Variants in MEGF9 observed in about 807,000 individuals in gnomAD.
The protein encoded by MEGF9 is multiple EGF like domains 9, also known as multiple epidermal growth factor-like domains protein 9.
MEGF9 carries 6 observed loss-of-function variants against 46.8 expected under a neutral mutation model. The observed-to-expected ratio is 0.13, with a 90% CI of 0.07 to 0.25. The LOEUF (loss-of-function observed/expected upper bound fraction) is 0.25. MEGF9 is among the 10% of genes least tolerant of loss of function. MEGF9 has a pLI of 1.00. For missense variants in MEGF9, 683 were observed against 792.4 expected, an observed-to-expected ratio of 0.86 and a Z score of 1.66; for synonymous variants, 302 against 330.7, an observed-to-expected ratio of 0.91 and a Z score of 0.94.
chr9:120,612,908 C>T (rs1358332329), intron 3 of MEGF9, among the ~76,000 whole-genome samples: 1 of 147,078 alleles, frequency 6.8e-6, no homozygotes, highest in Non-Finnish European at 1.5e-5. Flanking sequence ...ATCATACATG[C>T]ATGAACATGC....
intron 2 of MEGF9, among the ~76,000 whole-genome samples, chr9:120,646,489 C>A (rs1422550294): frequency 2.0e-5 from 3 of 152,170 alleles, no homozygotes; most frequent in Non-Finnish European, 4.4e-5. Flanking sequence ...TCTGTAAAGT[C>A]CTTTCTCATC....
At chr9:120,698,985 C>T (rs1168230057) in intron 1 of MEGF9, among the ~76,000 whole-genome samples, 1 of 152,138 alleles carries the variant, frequency 6.6e-6, no homozygotes, top group Non-Finnish European at 1.5e-5. Context: ...TTGTTCCAGG[C>T]TGCTTTGGGC....
Position 120,714,373 on chromosome 9 carries a change from G to T in MEGF9, c.-15C>A. 1 of 1,308,136 alleles carries T rather than the reference G, an allele frequency of 7.6e-7. No individual in the cohort carries two copies. The highest frequency in any genetic ancestry group is 9.7e-7 in the Non-Finnish European group (1 of 1,030,400). The allele number at this position is 1,308,136 out of a possible 1,614,324, so 81.0% of individuals were successfully genotyped here. On this transcript the variant is annotated 5_prime_UTR_variant, in exon 1 of 6. Transcript: ENST00000373930. Reference sequence around the variant, plus strand: ...CCGCCATTCATTCATTCAGCCAGTCGGTTGGTCAGTCATCTTCTCCTCGTT... The same window carrying T: ...CCGCCATTCATTCATTCAGCCAGTCTGTTGGTCAGTCATCTTCTCCTCGTT...
rs2043963387 is a variant in MEGF9 at position 120,713,688 on chromosome 9, A to G, written c.601+70T>C. On this transcript the variant is annotated intron_variant, in intron 1 of 5. Transcript: ENST00000373930. ...GGTAACAAACGATAAATTATAGGCA[A>G]GAGCCCAACCCTAGATTGCCGGGGC... is the stretch of plus-strand genomic sequence containing the variant. The G allele has an allele frequency of 3.2e-6, 4 of 1,248,546 alleles. No homozygotes were observed. In the African/African-American group the frequency reaches 6.1e-5, roughly 19 times the overall value. 77.3% of individuals were successfully genotyped at this position (1,248,546 alleles called of 1,614,324 possible).
intron 2 of MEGF9, among the ~76,000 whole-genome samples, chr9:120,628,567 G>A (rs2043537235): frequency 7.8e-6 from 1 of 127,520 alleles, no homozygotes. Context: ...TTTACACCAT[G>A]TCCCCAAACC....
At chr9:120,610,007 TAAAG>T (rs57603837) in intron 4 of MEGF9, among the ~76,000 whole-genome samples, 14,664 of 152,152 alleles carry the variant, frequency 0.096, 830 homozygotes, top group African/African-American at 0.15. Flanking sequence ...GTGCAACTGA[TAAAG>T]AATTCTAACT....
rs1158273579 is a variant in MEGF9 at position 120,634,446 on chromosome 9, C to CTTTTTT, written c.804-11697_804-11692dup. ...TTTGGTTTCCATATGTGTGGAATAT[C>CTTTTTT]TTTTTTTTTTTTTTTTTTTTTTTTT... On this transcript the variant is annotated intron_variant, in intron 2 of 5. Transcript: ENST00000373930. Among the ~76,000 whole-genome samples, 140 of 46,900 alleles carry CTTTTTT rather than the reference C, an allele frequency of 3.0e-3. 25 individuals are homozygous for CTTTTTT. The highest frequency in any genetic ancestry group is 0.01 in the African/African-American group (124 of 12,140). The allele number at this position is 46,900 out of a possible 152,430, so 30.8% of individuals were successfully genotyped here.
At chr9:120,678,366 A>C (rs2132331563) in intron 1 of MEGF9, among the ~76,000 whole-genome samples, 1 of 152,344 alleles carries the variant, frequency 6.6e-6, no homozygotes, top group African/African-American at 2.4e-5. Context: ...ACCTCTAAAC[A>C]GTTCTCCATA....
chr9:120,704,306 C>T (rs2043918719), intron 1 of MEGF9, among the ~76,000 whole-genome samples: 1 of 151,966 alleles, frequency 6.6e-6, no homozygotes, highest in Non-Finnish European at 1.5e-5. Flanking sequence ...TGCATCCCAG[C>T]CTGGGCGACA....
intron 1 of MEGF9, among the ~76,000 whole-genome samples, chr9:120,667,476 T>C (rs908659960): frequency 1.3e-5 from 2 of 152,216 alleles, no homozygotes; most frequent in Non-Finnish European, 2.9e-5. Flanking sequence ...ATGCAATTGT[T>C]TGTTTCTTTT....
chr9:120,603,572 A>C lies in MEGF9; in HGVS notation c.*1618T>G, dbSNP rs1482188486. The C allele has an allele frequency of 6.6e-6, 1 of 152,170 alleles. No homozygotes were observed. Among genetic ancestry groups the C allele is most frequent in the Non-Finnish European group, 1.5e-5 (1 of 68,036 alleles). 9.4% of individuals were successfully genotyped at this position (152,170 alleles called of 1,614,324 possible). ...TGAATTTCCTAGGTCTAATCTAATA[A>C]GAAGTTTTTATTTTTTTTCTAACCA... is the stretch of plus-strand genomic sequence containing the variant. On this transcript the variant is annotated 3_prime_UTR_variant, in exon 6 of 6. Transcript: ENST00000373930.
At position 120,607,794 on chromosome 9, in the gene MEGF9, T is replaced by C. The variant is rs1450512341; in HGVS notation, c.1304A>G (p.Glu435Gly). The C allele has an allele frequency of 3.1e-6, 5 of 1,614,034 alleles. No individual in the cohort carries two copies. The highest frequency in any genetic ancestry group is 4.2e-6 in the Non-Finnish European group (5 of 1,179,888). Residue 435 changes from glutamate (E) to glycine (G), a missense_variant, in exon 5 of 6, where the codon GAG becomes GGG. Glu to Gly is a moderately conservative substitution (Grantham distance 98, BLOSUM62 -2). This residue lies in a region of MEGF9 where 313 missense variants were observed against 421.1 expected (regional missense o/e 0.74). Coordinates refer to ENST00000373930, the MANE Select transcript of MEGF9 (RefSeq NM_001080497.3). ...GTGAACATAACCTTCTAGGCAGTTC[T>C]CACACCAAAACCCAGTGGTGTTATG... ...CLHNTTGFWC[E>G]NCLEGYVHDL...
chr9:120,636,673 G>C (rs2043575752), intron 2 of MEGF9, among the ~76,000 whole-genome samples: 1 of 152,062 alleles, frequency 6.6e-6, no homozygotes, highest in Non-Finnish European at 1.5e-5. Context: ...TTTTAAAACA[G>C]AAAAAATACA....
intron 1 of MEGF9, among the ~76,000 whole-genome samples, chr9:120,663,049 C>A (rs1053616945): frequency 6.6e-6 from 1 of 152,160 alleles, no homozygotes; most frequent in Non-Finnish European, 1.5e-5. Context: ...TGGTACTAAT[C>A]AGTTTATCTG....
intron 1 of MEGF9, among the ~76,000 whole-genome samples, chr9:120,702,607 TA>T (rs1430367212): frequency 3.9e-5 from 6 of 152,252 alleles, no homozygotes; most frequent in Admixed American, 3.3e-4. Flanking sequence ...TGTAAGTTCA[TA>T]AATTACCAAA....
In MEGF9 at chr9:120,608,006, C is replaced by T. The variant is rs770803851; in HGVS notation, c.1092G>A (p.Ser364=). Residue 364 remains serine, a synonymous_variant, in exon 5 of 6, where the codon TCG becomes TCA. Transcript: ENST00000373930. ...GGTCACATTCAGGTTCCAATTCACTCGATTCTAAAAGAGAGAATGCCAAAA... is the reference window on the plus strand; with the variant it reads ...GGTCACATTCAGGTTCCAATTCACTTGATTCTAAAAGAGAGAATGCCAAAA... ...VTSTGSCSIK[S]SELEPECDQC... 9.9e-6 allele frequency: 16 copies of T among 1,613,550 alleles called. No homozygotes were observed. Among genetic ancestry groups the T allele is most frequent in the African/African-American group, 2.7e-5 (2 of 74,900 alleles).
chr9:120,641,763 C>T (rs1332949789), intron 2 of MEGF9, among the ~76,000 whole-genome samples: 1 of 152,176 alleles, frequency 6.6e-6, no homozygotes, highest in African/African-American at 2.4e-5. Context: ...TTTTATATCC[C>T]TATCCCTGAC....
At chr9:120,683,553 C>CT (rs1411536716) in intron 1 of MEGF9, among the ~76,000 whole-genome samples, 1 of 152,246 alleles carries the variant, frequency 6.6e-6, no homozygotes, top group Non-Finnish European at 1.5e-5. Flanking sequence ...AAGGTCTTTG[C>CT]TTCTCCTTCG....
At chr9:120,707,039 A>G (rs1000726302) in intron 1 of MEGF9, among the ~76,000 whole-genome samples, 1 of 152,158 alleles carries the variant, frequency 6.6e-6, no homozygotes, top group African/African-American at 2.4e-5. Context: ...CTGGAGCCAG[A>G]CCCACTAGGT....
Sources: gnomAD v4.1 joint callset for allele counts (sites outside exome capture counted in the v4.1 genomes callset) on GRCh38, gnomAD v4.1.1 for gene constraint, gnomAD v4.1.1 regional missense constraint, MANE v1.5 for transcripts, NCBI Gene and HGNC (gene_info 2026-07-23, HGNC 2026-07-21) for gene names.